ZDHHC13: variants seen among roughly 807,000 people sequenced by gnomAD.
ZDHHC13 encodes the protein zDHHC palmitoyltransferase 13.
ZDHHC13 carries 85 observed loss-of-function variants against 86.0 expected under a neutral mutation model. The observed-to-expected ratio is 0.99, with a 90% confidence interval of 0.83 to 1.18. The LOEUF is 1.18. ZDHHC13 is among the 50% of genes most tolerant of loss of function. ZDHHC13 has a pLI of 0.00. For missense variants in ZDHHC13, 711 were observed against 730.2 expected, an observed-to-expected ratio of 0.97 and a Z score of 0.30; for synonymous variants, 263 against 246.4, an observed-to-expected ratio of 1.07 and a Z score of -0.63.
At chr11:19,175,419 G>GAAAAATT (rs1373727102) in intron 16 of ZDHHC13, among the ~76,000 whole-genome samples, 2 of 51,180 alleles carry the variant, frequency 3.9e-5, no homozygotes, top group African/African-American at 5.6e-5. Context: ...AAAAAAAAAG[G>GAAAAATT]TTTAGGGAAA....
chr11:19,152,371 A>T, intron 7 of ZDHHC13, 51 bp downstream of exon 7: 1 of 1,577,736 alleles, frequency 6.3e-7, no homozygotes, highest in African/African-American at 1.4e-5. Context: ...GAGTTAGAAG[A>T]TTGATAAATT....
At chr11:19,125,275 A>G (rs1848849495) in intron 1 of ZDHHC13, among the ~76,000 whole-genome samples, 1 of 152,234 alleles carries the variant, frequency 6.6e-6, no homozygotes, top group Non-Finnish European at 1.5e-5. Flanking sequence ...TCAAAACTTA[A>G]CAGTAAGAAA....
chr11:19,131,409 T>C (rs1315787534), intron 1 of ZDHHC13, among the ~76,000 whole-genome samples: 1 of 152,208 alleles, frequency 6.6e-6, no homozygotes, highest in Non-Finnish European at 1.5e-5. Flanking sequence ...TGTGAGTTTA[T>C]AATTTTCGCC....
At chr11:19,156,988 TCTC>T (rs1849773741) in intron 9 of ZDHHC13, among the ~76,000 whole-genome samples, 2 of 152,212 alleles carry the variant, frequency 1.3e-5, no homozygotes, top group Admixed American at 1.3e-4. Flanking sequence ...CTCTTTCCCT[TCTC>T]CTCATTGCAC....
rs1292782389 is a variant in ZDHHC13 at position 19,166,316 on chromosome 11, C to G, written c.1405C>G (p.His469Asp). ...TGRCIGFGNH[H>D]YYIFFLFFLS... ...TTTTTCTTGAGGTTTTGGCAACCATCACTATTACATATTCTTCTTGTTTTT... is the reference window on the plus strand; with the variant it reads ...TTTTTCTTGAGGTTTTGGCAACCATGACTATTACATATTCTTCTTGTTTTT... The change falls in exon 14 of 17, where the codon CAC becomes GAC. Residue 469 changes from histidine to aspartate, a missense_variant. Transcript: ENST00000446113. 1 of 1,609,882 alleles carries G rather than the reference C, an allele frequency of 6.2e-7. No homozygotes were observed.
chr11:19,120,775 CTTAA>C (rs1379145543), intron 1 of ZDHHC13, among the ~76,000 whole-genome samples: 13 of 151,332 alleles, frequency 8.6e-5, no homozygotes, highest in Admixed American at 6.6e-4. Context: ...CCCTTTGTAT[CTTAA>C]TTAAAACAAA....
rs200333571 is a variant in ZDHHC13, at chr11:19,136,385, A to C, written c.28-6593A>C. On this transcript the variant is annotated intron_variant, in intron 1 of 16. Coordinates refer to ENST00000446113, the MANE Select transcript of ZDHHC13 (RefSeq NM_019028.3). ...GGAAGTTTAGAGAAAAAAGAATAAA[A>C]AGAAACGAGCAAAGCCTCCAAGAAA... Among the ~76,000 whole-genome samples the C allele has an allele frequency of 1.4e-3, 216 of 152,278 alleles. 4 individuals carry two copies. In the East Asian group the frequency reaches 0.04, roughly 28 times the overall value.
chr11:19,125,049 T>C (rs943144005), intron 1 of ZDHHC13, among the ~76,000 whole-genome samples: 1 of 152,120 alleles, frequency 6.6e-6, no homozygotes, highest in Non-Finnish European at 1.5e-5. Context: ...AACAGAGGAA[T>C]TGTGACCCCA....
chr11:19,172,439 T>C (rs1850249242), intron 15 of ZDHHC13, among the ~76,000 whole-genome samples: 1 of 152,218 alleles, frequency 6.6e-6, no homozygotes, highest in African/African-American at 2.4e-5. Context: ...TATGATGAGC[T>C]GCTTTACAGA....
chr11:19,150,769 T>TAACA lies in ZDHHC13; in HGVS notation c.562_563insAACA (p.Leu188Ter), dbSNP rs1387183573. On this transcript the variant is annotated stop_gained and frameshift_variant, in exon 6 of 17. Transcript: ENST00000446113. LOFTEE classifies it high-confidence loss of function. ...TGTAAATGGGCAGACACCTCTCATG[T>TAACA]TATCAGCTCACAAAGTAATTGGGTG... The TAACA allele has an allele frequency of 3.7e-6, 6 of 1,610,800 alleles. No individual in the cohort carries two copies. The East Asian group carries it at 1.3e-4, about 36-fold the overall frequency.
intron 15 of ZDHHC13, among the ~76,000 whole-genome samples, chr11:19,172,097 G>C (rs977799838): frequency 6.6e-6 from 1 of 152,140 alleles, no homozygotes; most frequent in African/African-American, 2.4e-5. Flanking sequence ...TTTTGAGACA[G>C]AGTTTCGCTC....
At chr11:19,170,217 T>C in intron 14 of ZDHHC13, 194 bp from the exon 15 acceptor site, 1 of 1,401,394 alleles carries the variant, frequency 7.1e-7, no homozygotes, top group South Asian at 1.6e-5. Flanking sequence ...ATAGCCTCAA[T>C]TAACATTGAG....
chr11:19,166,425 C>T (rs766820818), intron 14 of ZDHHC13, 40 bp downstream of exon 14: 13 of 1,492,320 alleles, frequency 8.7e-6, no homozygotes, highest in South Asian at 7.1e-5. Flanking sequence ...CATACATCTA[C>T]ACCCATTTCT....
At chr11:19,124,537 A>ATT (rs201384320) in intron 1 of ZDHHC13, among the ~76,000 whole-genome samples, 1 of 151,768 alleles carries the variant, frequency 6.6e-6, no homozygotes, top group African/African-American at 2.4e-5. Context: ...AAATACACTG[A>ATT]TTTTTTTTGT....
chr11:19,170,817 A>C (rs912206321), intron 15 of ZDHHC13, among the ~76,000 whole-genome samples: 5 of 152,332 alleles, frequency 3.3e-5, no homozygotes, highest in African/African-American at 1.2e-4. Context: ...TTATTAGAGT[A>C]TGACCTAGGA....
At chr11:19,174,872 T>A (rs929948192) in intron 16 of ZDHHC13, among the ~76,000 whole-genome samples, 8 of 152,146 alleles carry the variant, frequency 5.3e-5, no homozygotes, top group African/African-American at 1.4e-4. Flanking sequence ...TTTATAAAGA[T>A]GCACAGAGGA....
At chr11:19,157,560 CT>C (rs1348779800) in intron 9 of ZDHHC13, among the ~76,000 whole-genome samples, 2 of 152,200 alleles carry the variant, frequency 1.3e-5, no homozygotes, top group African/African-American at 4.8e-5. Context: ...CTAAAATTGT[CT>C]GCTATTCAGA....
At chr11:19,165,295 A>C in intron 13 of ZDHHC13, 150 bp downstream of exon 13, 3 of 698,928 alleles carry the variant, frequency 4.3e-6, no homozygotes, top group Non-Finnish European at 7.1e-6. Flanking sequence ...ATTATGCTAC[A>C]GGTAACATAA....
At chr11:19,169,733 G>A (rs1418526877) in intron 14 of ZDHHC13, 1 of 985,456 alleles carries the variant, frequency 1.0e-6, no homozygotes, top group Non-Finnish European at 1.2e-6. Context: ...AGCTACATGG[G>A]TTAGGAGGTT....
Sources: gnomAD v4.1 joint callset for allele counts (sites outside exome capture counted in the v4.1 genomes callset) on GRCh38, gnomAD v4.1.1 for gene constraint, MANE v1.5 for transcripts, NCBI Gene and HGNC (gene_info 2026-07-23, HGNC 2026-07-21) for gene names.